STAU2: variants seen among roughly 807,000 people sequenced by gnomAD.
STAU2 encodes the protein double-stranded RNA-binding protein Staufen homolog 2.
A neutral mutation model predicts 65.9 loss-of-function variants in STAU2; 20 were observed. The observed-to-expected ratio is 0.30, with a 90% confidence interval of 0.21 to 0.44. STAU2 has a LOEUF of 0.44. Among genes scored for constraint, STAU2 ranks in the 20% least tolerant of loss-of-function variants. The pLI is 1.00. For synonymous variants in STAU2, 232 were observed against 233.9 expected (o/e 0.99, Z 0.07); for missense variants, 558 against 683.9 (o/e 0.82, Z 2.05).
intron 10 of STAU2, among the ~76,000 whole-genome samples, chr8:73,598,091 T>C (rs116734386): frequency 1.9e-3 from 291 of 152,166 alleles, no homozygotes; most frequent in African/African-American, 6.7e-3. Context: ...TAAAGCAATA[T>C]AGAAAAAGAA....
chr8:73,741,027 C>T (rs996286632), intron 1 of STAU2, among the ~76,000 whole-genome samples: 2 of 141,764 alleles, frequency 1.4e-5, no homozygotes, highest in African/African-American at 5.3e-5. Context: ...AAAAAAAGGC[C>T]AGGCGCAGTG....
rs141275777 is a variant in STAU2 at position 73,701,987 on chromosome 8, C to T, written c.114+7045G>A. The stretch of plus-strand genomic sequence containing the variant: ...AATAAGCCAGGTACAGAGAGACAAA[C>T]ATCACATGTTGTCACTTATTTGTGA... On this transcript the variant is annotated intron_variant, in intron 4 of 14. Coordinates refer to ENST00000524300, the MANE Select transcript of STAU2 (RefSeq NM_001164380.2). Among the ~76,000 whole-genome samples the T allele has an allele frequency of 4.6e-4, 70 of 152,184 alleles. 1 individual carries two copies. The East Asian group carries it at 0.013, about 28-fold the overall frequency.
chr8:73,577,883 G>A lies in STAU2; in HGVS notation c.1222+4887C>T, dbSNP rs547490275. On this transcript the variant is annotated intron_variant, in intron 12 of 14. Transcript: ENST00000524300. ...GTCTTCTTAAGACCTTTGGCCATTG[G>A]GGTGTTTGCCTTTTTTTAAAAAATT... Among the ~76,000 whole-genome samples the A allele has an allele frequency of 2.6e-5, 4 of 151,922 alleles. No individual in the cohort carries two copies. In the East Asian group the frequency reaches 7.7e-4, roughly 29 times the overall value.
intron 14 of STAU2, among the ~76,000 whole-genome samples, chr8:73,422,081 G>A (rs1351301525): frequency 6.6e-6 from 1 of 151,696 alleles, no homozygotes; most frequent in Non-Finnish European, 1.5e-5. Context: ...AAATAATTAC[G>A]ACAGCTGCAT....
chr8:73,605,886 C>T (rs868467531), intron 9 of STAU2, among the ~76,000 whole-genome samples: 54 of 121,722 alleles, frequency 4.4e-4, no homozygotes, highest in African/African-American at 1.2e-3. Context: ...CATACACACA[C>T]ACACACACAC....
intron 13 of STAU2, among the ~76,000 whole-genome samples, chr8:73,471,397 A>C (rs899762906): frequency 9.9e-5 from 15 of 151,158 alleles, no homozygotes; most frequent in Non-Finnish European, 1.5e-4. Flanking sequence ...TATGTTGCCC[A>C]GGCTGGTCTT....
intron 13 of STAU2, among the ~76,000 whole-genome samples, chr8:73,537,885 G>C (rs1806287433): frequency 1.3e-5 from 2 of 152,168 alleles, no homozygotes; most frequent in Admixed American, 1.3e-4. Context: ...GCATGTAGAG[G>C]AAACATGTTA....
chr8:73,732,704 C>T (rs1286282417), intron 3 of STAU2: 2 of 152,120 alleles, frequency 1.3e-5, no homozygotes, highest in African/African-American at 2.4e-5. Flanking sequence ...AATAGAGTTC[C>T]TGGTGCTTGT....
chr8:73,628,617 C>T (rs1813864215), intron 6 of STAU2, among the ~76,000 whole-genome samples: 1 of 152,040 alleles, frequency 6.6e-6, no homozygotes, highest in African/African-American at 2.4e-5. Flanking sequence ...ATTCACGAAA[C>T]GAGCTCTAGA....
At chr8:73,588,616 G>A (rs959967147) in intron 11 of STAU2, among the ~76,000 whole-genome samples, 17 of 152,164 alleles carry the variant, frequency 1.1e-4, no homozygotes, top group African/African-American at 3.6e-4. Flanking sequence ...CCTATATGCC[G>A]TTGGGGCAAA....
intron 13 of STAU2, among the ~76,000 whole-genome samples, chr8:73,423,446 T>A (rs73318733): frequency 0.01 from 1,577 of 152,320 alleles, 34 homozygotes; most frequent in African/African-American, 0.036. Flanking sequence ...GTTATTTCTT[T>A]GAGTAAGAAT....
intron 12 of STAU2, among the ~76,000 whole-genome samples, chr8:73,582,285 T>C (rs1032935447): frequency 5.3e-5 from 8 of 151,976 alleles, no homozygotes; most frequent in Admixed American, 2.6e-4. Context: ...ACGCAAAAAA[T>C]GCTTAGGCAA....
rs1255597559 is a variant in STAU2, at chr8:73,631,479, A to G, written c.411-14028T>C. On this transcript the variant is annotated intron_variant, in intron 6 of 14. Coordinates refer to ENST00000524300, the MANE Select transcript of STAU2 (RefSeq NM_001164380.2). Reference sequence around the variant, plus strand: ...GATAAATTCAGATACTATAAAAACCAGTAGAAATCAACTAAATAAGCCTCT... The same window carrying G: ...GATAAATTCAGATACTATAAAAACCGGTAGAAATCAACTAAATAAGCCTCT... Among the ~76,000 whole-genome samples the G allele has an allele frequency of 2.0e-5, 3 of 152,204 alleles. No homozygotes were observed. The East Asian group carries it at 5.8e-4, about 29-fold the overall frequency.
intron 10 of STAU2, among the ~76,000 whole-genome samples, chr8:73,603,349 G>T (rs1477086168): frequency 6.6e-6 from 1 of 152,082 alleles, no homozygotes; most frequent in Non-Finnish European, 1.5e-5. Context: ...CAGGATTTTG[G>T]CCCTGATCCA....
At chr8:73,496,981 C>T (rs751338884) in intron 13 of STAU2, among the ~76,000 whole-genome samples, 5 of 151,728 alleles carry the variant, frequency 3.3e-5, no homozygotes, top group Non-Finnish European at 7.4e-5. Flanking sequence ...AAATTAGCAT[C>T]AAATTCAGTG....
In STAU2 at chr8:73,649,896, T is replaced by TATATAC. The variant is rs1554555950; in HGVS notation, c.410+23210_410+23211insGTATAT. Among the ~76,000 whole-genome samples the TATATAC allele has an allele frequency of 5.1e-5, 7 of 137,082 alleles. No homozygotes were observed. In the East Asian group the frequency reaches 1.5e-3, roughly 29 times the overall value. 89.9% of individuals were successfully genotyped at this position (137,082 alleles called of 152,430 possible). On this transcript the variant is annotated intron_variant, in intron 6 of 14. Transcript: ENST00000524300. ...ATATATATATATATATATATATATA[T>TATATAC]ATATATATATATGGTGCAAAGATAG...
chr8:73,536,503 T>A (rs1265369526), intron 13 of STAU2, among the ~76,000 whole-genome samples: 2 of 152,172 alleles, frequency 1.3e-5, no homozygotes, highest in African/African-American at 4.8e-5. Flanking sequence ...AAAGTCAATT[T>A]GGAAGCCTAC....
At chr8:73,709,272 T>C in intron 3 of STAU2, 110 bp from the exon 4 acceptor site, 2 of 1,011,560 alleles carry the variant, frequency 2.0e-6, no homozygotes, top group Non-Finnish European at 2.7e-6. Flanking sequence ...TTTTCATGAA[T>C]TTTGTATTTT....
At chr8:73,585,306 C>A (rs988847515) in intron 11 of STAU2, among the ~76,000 whole-genome samples, 8 of 152,152 alleles carry the variant, frequency 5.3e-5, no homozygotes, top group African/African-American at 1.9e-4. Flanking sequence ...CATGGAGAAA[C>A]CCCGTCTCTA....
Sources: gnomAD v4.1 joint callset for allele counts (sites outside exome capture counted in the v4.1 genomes callset) on GRCh38, gnomAD v4.1.1 for gene constraint, MANE v1.5 for transcripts, NCBI Gene and HGNC (gene_info 2026-07-23, HGNC 2026-07-21) for gene names.